The following SLC8A1 variants were observed in gnomAD, a reference collection of about 807,000 sequenced individuals.
SLC8A1 encodes the protein solute carrier family 8 member A1, also known as sodium/calcium exchanger 1.
A neutral mutation model predicts 68.3 loss-of-function variants in SLC8A1; 18 were observed. That is an observed-to-expected ratio of 0.26 (90% CI 0.18 to 0.39). SLC8A1 has a LOEUF of 0.39. SLC8A1 is among the 10% of genes least tolerant of loss of function. The pLI, the probability that SLC8A1 is intolerant of heterozygous loss-of-function variation, is 1.00. For missense variants in SLC8A1, 985 were observed against 1,156.7 expected (o/e 0.85, Z 2.15); for synonymous variants, 475 against 415.5 (o/e 1.14, Z -1.74).
chr2:40,467,046 T>C (rs376298848), intron 1 of SLC8A1, among the ~76,000 whole-genome samples: 2 of 147,492 alleles, frequency 1.4e-5, no homozygotes, highest in African/African-American at 5.0e-5. Flanking sequence ...AATTTGAGAG[T>C]GAAATCCCAC....
intron 1 of SLC8A1, among the ~76,000 whole-genome samples, chr2:40,450,750 C>A (rs931823883): frequency 6.6e-6 from 1 of 152,146 alleles, no homozygotes; most frequent in African/African-American, 2.4e-5. Flanking sequence ...AGAGAGAGAG[C>A]GGCTTCAGGA....
At chr2:40,311,877 TATC>T (rs1575298083) in intron 2 of SLC8A1, among the ~76,000 whole-genome samples, 2 of 152,148 alleles carry the variant, frequency 1.3e-5, no homozygotes, top group African/African-American at 4.8e-5. Flanking sequence ...AAGTTGTCCT[TATC>T]ATCTCCACAA....
At chr2:40,497,286 G>A (rs547295059) in intron 1 of SLC8A1, among the ~76,000 whole-genome samples, 1 of 152,100 alleles carries the variant, frequency 6.6e-6, no homozygotes, top group African/African-American at 2.4e-5. Flanking sequence ...TGACTTATTA[G>A]CTTTGGTATT....
At chr2:40,277,405 T>C (rs2066861495) in intron 2 of SLC8A1, among the ~76,000 whole-genome samples, 1 of 151,888 alleles carries the variant, frequency 6.6e-6, no homozygotes, top group South Asian at 2.1e-4. Flanking sequence ...CCAGGCGTGG[T>C]GGTGGGTGCC....
In SLC8A1 at chr2:40,387,316, C is replaced by T. The variant is rs76011274; in HGVS notation, c.1808+41157G>A. ...TTATTTTAGCTTCCCATTACTGTGG[C>T]ATGTAGAAGAGAAGCAAAGGAGATA... On this transcript the variant is annotated intron_variant, in intron 2 of 7. Coordinates refer to ENST00000406785, the Ensembl canonical transcript of SLC8A1. Among the ~76,000 whole-genome samples, 257 of 151,444 alleles carry T rather than the reference C, an allele frequency of 1.7e-3. 1 individual carries two copies. The highest frequency in any genetic ancestry group is 4.9e-3 in the Admixed American group (75 of 15,244).
At chr2:40,493,254 C>A (rs1465704147) in intron 1 of SLC8A1, among the ~76,000 whole-genome samples, 2 of 149,364 alleles carry the variant, frequency 1.3e-5, no homozygotes, top group African/African-American at 4.9e-5. Flanking sequence ...AACAAAAAAC[C>A]AAACACCGCA....
intron 2 of SLC8A1, among the ~76,000 whole-genome samples, chr2:40,359,732 T>C (rs1673958969): frequency 6.6e-6 from 1 of 151,870 alleles, no homozygotes; most frequent in Admixed American, 6.6e-5. Flanking sequence ...AGATACAGAG[T>C]ATATGGAAAT....
At chr2:40,325,024 C>T (rs900982109) in intron 2 of SLC8A1, among the ~76,000 whole-genome samples, 2 of 151,978 alleles carry the variant, frequency 1.3e-5, no homozygotes, top group African/African-American at 4.8e-5. Context: ...CAAGGAATCC[C>T]CACCACATCC....
Position 40,196,637 on chromosome 2 carries a change from A to C in SLC8A1, c.1809-18782T>G, listed in dbSNP as rs763452534. Among the ~76,000 whole-genome samples the C allele has an allele frequency of 4.8e-4, 73 of 152,062 alleles. 1 individual carries two copies. The highest frequency in any genetic ancestry group is 1.4e-3 in the Admixed American group (22 of 15,244). On this transcript the variant is annotated intron_variant, in intron 2 of 7. Transcript: ENST00000406785. ...AATGATCCATCAATTGGTGTTAGGG[A>C]AATATTCTACTAGACCTGCACCTAC...
At position 40,392,958 on chromosome 2, in the gene SLC8A1, T is replaced by A. The variant is rs1685794674; in HGVS notation, c.1808+35515A>T. ...CTAAAGATTATAGTGTACTAGTAAA[T>A]CTACTTTATTTTGCTGGCAGGAGTC... On this transcript the variant is annotated intron_variant, in intron 2 of 7. Coordinates refer to ENST00000406785, the Ensembl canonical transcript of SLC8A1. Among the ~76,000 whole-genome samples the A allele has an allele frequency of 2.0e-5, 3 of 152,096 alleles. No individual in the cohort carries two copies. The South Asian group carries it at 6.2e-4, about 31-fold the overall frequency.
chr2:40,470,148 C>T (rs189841573), intron 1 of SLC8A1, among the ~76,000 whole-genome samples: 2 of 152,250 alleles, frequency 1.3e-5, no homozygotes, highest in East Asian at 1.9e-4. Flanking sequence ...AACTAATCCA[C>T]ATTTTAATGT....
intron 7 of SLC8A1, among the ~76,000 whole-genome samples, chr2:40,121,376 T>C (rs969594187): frequency 2.0e-5 from 3 of 152,172 alleles, no homozygotes; most frequent in Admixed American, 1.3e-4. Flanking sequence ...GGGAAGCAGC[T>C]AATCGGAAAG....
chr2:40,286,501 T>C (rs1283781580), intron 2 of SLC8A1, among the ~76,000 whole-genome samples: 1 of 152,192 alleles, frequency 6.6e-6, no homozygotes, highest in Non-Finnish European at 1.5e-5. Flanking sequence ...TTGTGACCAG[T>C]GAACTCCGTG....
chr2:40,257,808 C>G (rs2064145621), intron 2 of SLC8A1, among the ~76,000 whole-genome samples: 1 of 152,204 alleles, frequency 6.6e-6, no homozygotes, highest in Admixed American at 6.5e-5. Context: ...TCTCCAGTAA[C>G]TTTTTCTGCT....
chr2:40,369,579 A>G (rs1319221218), intron 2 of SLC8A1, among the ~76,000 whole-genome samples: 1 of 152,132 alleles, frequency 6.6e-6, no homozygotes, highest in East Asian at 1.9e-4. Context: ...AGTTGTTTAA[A>G]TAATGCTTAT....
At chr2:40,248,883 G>A (rs1019710850) in intron 2 of SLC8A1, among the ~76,000 whole-genome samples, 2 of 152,186 alleles carry the variant, frequency 1.3e-5, no homozygotes, top group African/African-American at 2.4e-5. Context: ...TATGCATAGT[G>A]AAGTAACCTT....
intron 2 of SLC8A1, among the ~76,000 whole-genome samples, chr2:40,256,582 T>G (rs2063957176): frequency 6.6e-6 from 1 of 152,222 alleles, no homozygotes; most frequent in African/African-American, 2.4e-5. Flanking sequence ...TTCGTTCCCT[T>G]TTGGACACAT....
At chr2:40,377,937 T>C (rs369460672) in intron 2 of SLC8A1, among the ~76,000 whole-genome samples, 264 of 152,270 alleles carry the variant, frequency 1.7e-3, no homozygotes, top group African/African-American at 6.1e-3. Context: ...AGTCTTCTTA[T>C]TGTCTTATAA....
intron 1 of SLC8A1, 30 bp from the exon 2 acceptor site, chr2:40,430,334 G>T (rs1286340027): frequency 2.3e-5 from 36 of 1,532,600 alleles, no homozygotes; most frequent in Non-Finnish European, 3.1e-5. Context: ...GGAGAGGGCA[G>T]AAAAAAAGTC....
Sources: allele counts gnomAD v4.1 joint callset (sites outside exome capture counted in the v4.1 genomes callset), GRCh38; gene constraint gnomAD v4.1.1; transcripts MANE v1.5; gene names NCBI Gene and HGNC (gene_info 2026-07-23, HGNC 2026-07-21).